The following DDX3X variants were observed in gnomAD, a reference collection of about 807,000 sequenced individuals.
DDX3X encodes DEAD-box helicase 3 X-linked.
A neutral mutation model predicts 52.7 loss-of-function variants in DDX3X; 4 were observed. The ratio of observed to expected loss-of-function variants is 0.08; its 90% CI spans 0.04 to 0.17. The LOEUF (loss-of-function observed/expected upper bound fraction) is 0.17, where lower values mean the gene tolerates loss of function less well. DDX3X is among the 10% of genes least tolerant of loss of function. DDX3X has a pLI of 1.00. For missense variants in DDX3X, 222 were observed against 548.6 expected (o/e 0.40, Z 5.95); for synonymous variants, 192 against 178.1 (o/e 1.08, Z -0.62).
chrX:41,353,815 C>T (rs1312458603), downstream of DDX3X, among the ~76,000 whole-genome samples: 1 of 108,489 alleles, frequency 9.2e-6, no homozygotes, highest in Non-Finnish European at 1.9e-5. Flanking sequence ...TACACACACA[C>T]ACACACACAC....
At chrX:41,343,508 C>T (rs1406580773) in intron 7 of DDX3X, 157 bp downstream of exon 7, 6 of 547,499 alleles carry the variant, frequency 1.1e-5, no homozygotes, top group East Asian at 3.8e-5. Context: ...TTATTGGTTA[C>T]GGCTGTATTC....
intron 5 of DDX3X, among the ~76,000 whole-genome samples, chrX:41,356,137 C>CTTTTTTT (rs768758470): frequency 1.3e-5 from 1 of 78,498 alleles, no homozygotes; most frequent in African/African-American, 5.4e-5. Flanking sequence ...AATTTGTCAG[C>CTTTTTTT]TTTTTTTTTT....
At chrX:41,341,975 A>T (rs1055544136) in intron 4 of DDX3X, 2 of 169,252 alleles carry the variant, frequency 1.2e-5, no homozygotes, top group African/African-American at 6.2e-5. Flanking sequence ...CACGTGCCTA[A>T]TAGCTGTGGT....
chrX:41,334,410 C>T (rs1238912223), intron 1 of DDX3X, 113 bp downstream of exon 1: 1 of 1,133,169 alleles, frequency 8.8e-7, no homozygotes, highest in Non-Finnish European at 1.2e-6. Flanking sequence ...TCTGGGTGCC[C>T]CGGGCTGGCG....
rs773800236 is a variant in DDX3X, at chrX:41,337,410, T to C, written c.48T>C (p.Phe16=). Residue 16 remains phenylalanine (F), a splice_region_variant and synonymous_variant, in exon 2 of 17, where the codon TTT becomes TTC. Coordinates refer to ENST00000644876, the MANE Select transcript of DDX3X (RefSeq NM_001356.5). ...VENALGLDQQ[F]AGLDLNSSDN... ...CTAACCATCTCACTCTCTTCTAGTT[T>C]GCTGGCCTAGACCTGAACTCTTCAG... The C allele has an allele frequency of 7.4e-6, 9 of 1,209,040 alleles. No individual in the cohort carries two copies. The East Asian group carries it at 2.7e-4, about 36-fold the overall frequency.
At chrX:41,339,125 C>A in intron 3 of DDX3X, 42 bp downstream of exon 3, 2 of 837,465 alleles carry the variant, frequency 2.4e-6, no homozygotes. Context: ...TTTTTTGCCT[C>A]CTTTAGAAGT....
intron 5 of DDX3X, among the ~76,000 whole-genome samples, chrX:41,361,724 A>C (rs1232818562): frequency 9.1e-6 from 1 of 110,344 alleles, no homozygotes; most frequent in African/African-American, 3.3e-5. Context: ...TATCACAAAC[A>C]AATCCCGAAG....
downstream of DDX3X, among the ~76,000 whole-genome samples, chrX:41,353,858 CAT>C (rs1245620879): frequency 9.1e-6 from 1 of 109,700 alleles, no homozygotes; most frequent in Non-Finnish European, 1.9e-5. Context: ...TTACTAGTGA[CAT>C]AGAGAAAATA....
At chrX:41,363,134 G>A (rs1314118318) in intron 5 of DDX3X, among the ~76,000 whole-genome samples, 2 of 112,123 alleles carry the variant, frequency 1.8e-5, no homozygotes, top group Non-Finnish European at 3.8e-5. Flanking sequence ...TATTCAAAGA[G>A]CCACTTGATG....
chrX:41,347,569 C>T (rs780295765), intron 16 of DDX3X, 71 bp from the exon 17 acceptor site: 72 of 1,122,685 alleles, frequency 6.4e-5, no homozygotes, highest in Non-Finnish European at 7.9e-5. Context: ...TGGCAAATTA[C>T]GTAAGGGAAG....
intron 1 of DDX3X, chrX:41,335,445 T>C (rs1480105518): frequency 1.8e-5 from 2 of 110,375 alleles, no homozygotes; most frequent in African/African-American, 6.6e-5. Context: ...CTTCTAAGGG[T>C]TTAGGGGCAG....
At chrX:41,359,959 G>A (rs1253994411) in intron 5 of DDX3X, among the ~76,000 whole-genome samples, 1 of 109,592 alleles carries the variant, frequency 9.1e-6, no homozygotes, top group Non-Finnish European at 1.9e-5. Flanking sequence ...TCCAGCCTGG[G>A]CGACAGAGCG....
rs1436048568 is a variant in DDX3X at position 41,338,114 on chromosome X, AG to A, written c.103+655del. On this transcript the variant is annotated intron_variant, in intron 2 of 16. Transcript: ENST00000644876. ...TAGAAAAGTTGCTTTTTTTCTTCTA[AG>A]GGGGGTTATTTAGAGACTTGTTAGA... 2.1e-4 allele frequency: 23 copies of A among 110,372 alleles called. 1 individual carries two copies. In the Admixed American group the frequency reaches 2.2e-3, roughly 11 times the overall value. 9.1% of individuals were successfully genotyped at this position (110,372 alleles called of 1,213,427 possible). A position where few individuals can be genotyped will look rare whatever the true frequency, so the allele number is the denominator to read the frequency against.
Position 41,346,500 on chromosome X carries a change from T to A in DDX3X, c.1498-5T>A. 1 of 1,203,558 alleles carries A rather than the reference T, an allele frequency of 8.3e-7. No homozygotes were observed. Among genetic ancestry groups the A allele is most frequent in the Non-Finnish European group, 1.1e-6 (1 of 891,033 alleles). ...GGGCCATATCTCATAAAAGTTATTT[T>A]CCAGGTAGCAGCAAGAGGACTGGAC... On this transcript the variant is annotated splice_polypyrimidine_tract_variant and splice_region_variant and intron_variant, in intron 13 of 16. Transcript: ENST00000644876.
rs747987697 is a variant in DDX3X, at chrX:41,345,388, ATTTT to A, written c.1171-11_1171-8del. The A allele has an allele frequency of 3.3e-6, 4 of 1,195,039 alleles. No homozygotes were observed. The South Asian group carries it at 5.6e-5, about 17-fold the overall frequency. On this transcript the variant is annotated splice_polypyrimidine_tract_variant and intron_variant, in intron 11 of 16. Coordinates refer to ENST00000644876, the MANE Select transcript of DDX3X (RefSeq NM_001356.5). ...TTGTTTATCTCAGGTAATAATAAAA[ATTTT>A]TTTTCTTTCAGATGCTGGCTCGTGA...
intron 5 of DDX3X, among the ~76,000 whole-genome samples, chrX:41,361,909 C>A (rs1172983611): frequency 1.8e-5 from 2 of 110,577 alleles, no homozygotes; most frequent in Non-Finnish European, 3.8e-5. Flanking sequence ...TCTCCAGGGT[C>A]CCCCCACATC....
At chrX:41,354,361 T>TTTTTTTTTTTTTA (rs2064000579), downstream of DDX3X, among the ~76,000 whole-genome samples, 2 of 103,325 alleles carry the variant, frequency 1.9e-5, no homozygotes, top group Admixed American at 1.1e-4. Context: ...TTTTTTTTTT[T>TTTTTTTTTTTTTA]GAGACAGGGT....
At position 41,334,572 on chromosome X, in the gene DDX3X, C is replaced by T. The variant is rs1370504439; in HGVS notation, c.45+275C>T. ...GGCGGGCGGAGGGGGAGGAAGTGCG[C>T]GCGCTCTCGCGGGGACGCGCATGCG... On this transcript the variant is annotated intron_variant, in intron 1 of 16. Transcript: ENST00000644876. 1.6e-5 allele frequency: 17 copies of T among 1,084,130 alleles called. No homozygotes were observed. In the Middle Eastern group the frequency reaches 9.5e-4, roughly 60 times the overall value. The allele number at this position is 1,084,130 out of a possible 1,213,427, so 89.3% of individuals were successfully genotyped here. A position where few individuals can be genotyped will look rare whatever the true frequency, so the allele number is the denominator to read the frequency against.
At position 41,356,166 on chromosome X, in the gene DDX3X, G is replaced by A. The variant is rs1193806142; in HGVS notation, c.655-8108G>A. Reference sequence around the variant, plus strand: ...TTTTTTTTTTTTTTTTTGAGACAGTGTCTCACTCTGTTGCCCAGGCTGAAG... The same window carrying A: ...TTTTTTTTTTTTTTTTTGAGACAGTATCTCACTCTGTTGCCCAGGCTGAAG... On this transcript the variant is annotated intron_variant, in intron 5 of 5. Transcript: ENST00000616050. Among the ~76,000 whole-genome samples, 4 of 86,487 alleles carry A rather than the reference G, an allele frequency of 4.6e-5. 1 individual carries two copies. Among genetic ancestry groups the A allele is most frequent in the Non-Finnish European group, 8.6e-5 (4 of 46,682 alleles). The allele number at this position is 86,487 out of a possible 115,157, so 75.1% of individuals were successfully genotyped here.
Sources: gnomAD v4.1 joint callset for allele counts (sites outside exome capture counted in the v4.1 genomes callset) on GRCh38, gnomAD v4.1.1 for gene constraint, MANE v1.5 for transcripts, NCBI Gene and HGNC (gene_info 2026-07-23, HGNC 2026-07-21) for gene names.